CFAP61: variants seen among roughly 807,000 people sequenced by gnomAD.
CFAP61 encodes cilia- and flagella-associated protein 61.
Under a neutral mutation model 135.6 loss-of-function variants are expected in CFAP61, and 107 were observed. The observed-to-expected ratio is 0.79, with a 90% CI of 0.67 to 0.93. The LOEUF (loss-of-function observed/expected upper bound fraction) is 0.93. CFAP61 is among the 40% of genes least tolerant of loss of function. The pLI is 0.00. For synonymous variants in CFAP61, 575 were observed against 578.5 expected, an observed-to-expected ratio of 0.99 and a Z score of 0.09; for missense variants, 1,507 against 1,556.2, an observed-to-expected ratio of 0.97 and a Z score of 0.53.
chr20:20,169,159 A>T (rs1252471795), intron 12 of CFAP61, among the ~76,000 whole-genome samples, 162 bp from the exon 13 acceptor site: 1 of 152,120 alleles, frequency 6.6e-6, no homozygotes, highest in African/African-American at 2.4e-5. Flanking sequence ...TATTTCCTGA[A>T]TTTTATGTGA....
chr20:20,253,733 A>G, intron 20 of CFAP61: 2 of 309,782 alleles, frequency 6.5e-6, no homozygotes, highest in Non-Finnish European at 1.3e-5. Flanking sequence ...CTCTTGATAT[A>G]TGCATACCCT....
chr20:20,186,036 C>T (rs1269527570), intron 13 of CFAP61, among the ~76,000 whole-genome samples: 1 of 152,154 alleles, frequency 6.6e-6, no homozygotes, highest in Non-Finnish European at 1.5e-5. Context: ...AATTCACATG[C>T]CATACAATTT....
At chr20:20,289,416 C>T (rs559678408) in intron 23 of CFAP61, among the ~76,000 whole-genome samples, 1 of 152,308 alleles carries the variant, frequency 6.6e-6, no homozygotes, top group Admixed American at 6.5e-5. Flanking sequence ...CTTCTGACCC[C>T]TAAGGAGGAG....
intron 25 of CFAP61, among the ~76,000 whole-genome samples, chr20:20,304,303 T>TGTGTGA (rs754913257): frequency 4.1e-4 from 61 of 147,574 alleles, no homozygotes; most frequent in African/African-American, 1.3e-3. Flanking sequence ...TGTGTGTGTG[T>TGTGTGA]GAGAGAGAGA....
chr20:20,146,995 T>C (rs1241100292), intron 9 of CFAP61, among the ~76,000 whole-genome samples: 11 of 152,220 alleles, frequency 7.2e-5, no homozygotes, highest in Non-Finnish European at 1.5e-4. Context: ...TGAGAACATA[T>C]GATATTTGCT....
At chr20:20,128,710 G>A (rs73127630) in intron 8 of CFAP61, among the ~76,000 whole-genome samples, 19,310 of 151,546 alleles carry the variant, frequency 0.13, 1,524 homozygotes, top group Non-Finnish European at 0.15. Context: ...CCTCCCGTCC[G>A]CCATGATGAT....
At chr20:20,192,853 G>A (rs1469244309) in intron 15 of CFAP61, among the ~76,000 whole-genome samples, 1 of 152,042 alleles carries the variant, frequency 6.6e-6, no homozygotes, top group East Asian at 1.9e-4. Flanking sequence ...TTTGTATTTT[G>A]ATCTTGTATT....
At chr20:20,176,483 T>A (rs1251891768) in intron 13 of CFAP61, among the ~76,000 whole-genome samples, 1 of 152,194 alleles carries the variant, frequency 6.6e-6, no homozygotes, top group East Asian at 1.9e-4. Flanking sequence ...AAAGAAAATG[T>A]GATACCATAG....
At chr20:20,143,777 A>T (rs1307276164) in intron 9 of CFAP61, among the ~76,000 whole-genome samples, 1 of 152,194 alleles carries the variant, frequency 6.6e-6, no homozygotes, top group African/African-American at 2.4e-5. Context: ...AGGACAGAGT[A>T]CTAGAAAGGA....
At chr20:20,323,619 G>A in intron 25 of CFAP61, among the ~76,000 whole-genome samples, 1 of 152,142 alleles carries the variant, frequency 6.6e-6, no homozygotes, top group East Asian at 1.9e-4. Context: ...GCACCTAGAG[G>A]CACCTAGAAA....
At chr20:20,314,518 T>TTTA (rs2057002639) in intron 25 of CFAP61, among the ~76,000 whole-genome samples, 1 of 150,530 alleles carries the variant, frequency 6.6e-6, no homozygotes, top group African/African-American at 2.4e-5. Flanking sequence ...TTTGTTTTTT[T>TTTA]TTATTATTAT....
At chr20:20,099,156 A>C (rs201855461) in intron 8 of CFAP61, among the ~76,000 whole-genome samples, 1 of 91,504 alleles carries the variant, frequency 1.1e-5, no homozygotes, top group African/African-American at 3.9e-5. Flanking sequence ...CACACACACA[A>C]CCAAATACAA....
intron 8 of CFAP61, among the ~76,000 whole-genome samples, chr20:20,119,003 G>A (rs1308544510): frequency 2.6e-5 from 4 of 151,996 alleles, no homozygotes; most frequent in African/African-American, 9.7e-5. Flanking sequence ...TCTTTAATGT[G>A]TTATGGAATT....
At chr20:20,216,061 A>G (rs548264405) in intron 17 of CFAP61, among the ~76,000 whole-genome samples, 1 of 152,290 alleles carries the variant, frequency 6.6e-6, no homozygotes, top group East Asian at 1.9e-4. Context: ...TGCCTGGCAA[A>G]GGTGACGATT....
intron 2 of CFAP61, 105 bp from the exon 3 acceptor site, chr20:20,070,749 A>G (rs1159278861): frequency 1.1e-6 from 1 of 946,980 alleles, no homozygotes; most frequent in Non-Finnish European, 1.6e-6. Flanking sequence ...ATCTGACCTC[A>G]TGCAGTGGCT....
rs572405575 is a variant in CFAP61, at chr20:20,080,651, C to G, written c.566+5036C>G. Among the ~76,000 whole-genome samples the G allele has an allele frequency of 1.6e-4, 25 of 152,270 alleles. No homozygotes were observed. The South Asian group carries it at 5.2e-3, about 32-fold the overall frequency. Reference sequence around the variant, plus strand: ...CGTAAATATCATATCCATTTATATTCTGACCAAATAGAGTTGTTTCCTTAC... The same window carrying G: ...CGTAAATATCATATCCATTTATATTGTGACCAAATAGAGTTGTTTCCTTAC... On this transcript the variant is annotated intron_variant, in intron 6 of 26. Coordinates refer to ENST00000245957, the MANE Select transcript of CFAP61 (RefSeq NM_015585.4).
At chr20:20,284,658 T>C (rs1221374410) in intron 22 of CFAP61, among the ~76,000 whole-genome samples, 1 of 152,232 alleles carries the variant, frequency 6.6e-6, no homozygotes, top group East Asian at 1.9e-4. Flanking sequence ...CAGCAATCTT[T>C]CATGTTCAAT....
At chr20:20,066,603 C>A (rs1027043733) in intron 2 of CFAP61, among the ~76,000 whole-genome samples, 1 of 147,166 alleles carries the variant, frequency 6.8e-6, no homozygotes. Context: ...CACATGTTCT[C>A]ACTCATAAGT....
intron 6 of CFAP61, among the ~76,000 whole-genome samples, chr20:20,077,367 A>G (rs1345479468): frequency 1.3e-5 from 2 of 152,240 alleles, no homozygotes; most frequent in African/African-American, 4.8e-5. Context: ...AAAATGGGTG[A>G]AAAGCATCCA....
Sources: gnomAD v4.1 joint callset for allele counts (sites outside exome capture counted in the v4.1 genomes callset) on GRCh38, gnomAD v4.1.1 for gene constraint, MANE v1.5 for transcripts, NCBI Gene and HGNC (gene_info 2026-07-23, HGNC 2026-07-21) for gene names.